The following THAP9 variants were observed in gnomAD, a reference collection of about 807,000 sequenced individuals.
THAP9 encodes DNA transposase THAP9.
A neutral mutation model predicts 35.7 loss-of-function variants in THAP9; 20 were observed. The ratio of observed to expected loss-of-function variants is 0.56; its 90% CI spans 0.39 to 0.81. The LOEUF (loss-of-function observed/expected upper bound fraction) is 0.81. Ranked by LOEUF, THAP9 falls within the 40% of genes least tolerant of loss-of-function variation. The probability of loss-of-function intolerance (pLI) is 0.00; values close to 1 mark genes in which losing one functional copy is unlikely to be tolerated. For missense variants in THAP9, 870 were observed against 1,047.4 expected (o/e 0.83, Z 2.34); for synonymous variants, 335 against 373.7 (o/e 0.90, Z 1.19).
At chr4:82,907,965 A>C (rs1458453616) in intron 4 of THAP9, 30 bp downstream of exon 4, 1 of 1,599,824 alleles carries the variant, frequency 6.3e-7, no homozygotes, top group South Asian at 1.1e-5. Context: ...ATTTTTTAAA[A>C]GTGACTTTCT....
chr4:82,918,557 AT>A lies in THAP9; in HGVS notation c.2347del (p.Ser783GlnfsTer8), dbSNP rs1323243628. 1 of 1,614,068 alleles carries A rather than the reference AT, an allele frequency of 6.2e-7. No individual in the cohort carries two copies. Among genetic ancestry groups the A allele is most frequent in the African/African-American group, 1.3e-5 (1 of 75,042 alleles). On this transcript the variant is annotated frameshift_variant, in exon 5 of 5. Coordinates refer to ENST00000302236, the MANE Select transcript of THAP9 (RefSeq NM_024672.6). LOFTEE classifies it high-confidence loss of function. ...ATTTGTGAGCGAGTTGTAAGAACCC[AT>A]TCAAGAATGGCAATTTTTGAACTAG... The part of the protein sequence containing the change: ...INICERVVRT[H>X]SRMAIFELVS...
chr4:82,906,459 A>T lies in THAP9; in HGVS notation c.412A>T (p.Lys138Ter). The T allele has an allele frequency of 6.2e-7, 1 of 1,613,856 alleles. No homozygotes were observed. The highest frequency in any genetic ancestry group is 8.5e-7 in the Non-Finnish European group (1 of 1,179,806). ...LKTPLTIGAE[K>*]LAEVQQMLQV... ...GACACCTTTGACGATAGGTGCAGAG[A>T]AACTGGCTGAGGTGCAACAAATGTT... The change falls in exon 3 of 5, where the codon AAA becomes TAA. Residue 138 changes from lysine to a stop codon, truncating the protein, a stop_gained. Coordinates refer to ENST00000302236, the MANE Select transcript of THAP9 (RefSeq NM_024672.6). LOFTEE classifies it high-confidence loss of function.
chr4:82,916,027 TA>T (rs1373139927), intron 4 of THAP9, among the ~76,000 whole-genome samples: 1 of 152,184 alleles, frequency 6.6e-6, no homozygotes, highest in Non-Finnish European at 1.5e-5. Flanking sequence ...GGAAGAACAT[TA>T]AACTCTCAAT....
In THAP9 at chr4:82,918,521, G is replaced by A. The variant is rs561058988; in HGVS notation, c.2309G>A (p.Arg770Gln). 1 of 1,614,046 alleles carries A rather than the reference G, an allele frequency of 6.2e-7. No individual in the cohort carries two copies. Among genetic ancestry groups the A allele is most frequent in the South Asian group, 1.1e-5 (1 of 91,072 alleles). ...CATTTTCCTTCAGAAAGTCTGTGTC[G>A]GGTCATAAATATTTGTGAGCGAGTT... The part of the protein sequence containing the change: ...GLHFPSESLC[R>Q]VINICERVVR... The change falls in exon 5 of 5, where the codon CGG (arginine) becomes CAG (glutamine). Residue 770 changes from arginine to glutamine, a missense_variant. By Grantham distance (43) the Arg-to-Gln change is conservative (BLOSUM62 1). Around this residue, in one of 3 missense-constraint regions of THAP9, gnomAD observed 414 missense variants for 500.8 expected, o/e 0.83. Coordinates refer to ENST00000302236, the MANE Select transcript of THAP9 (RefSeq NM_024672.6).
chr4:82,912,562 G>A (rs1481238751), intron 4 of THAP9, among the ~76,000 whole-genome samples: 2 of 152,182 alleles, frequency 1.3e-5, no homozygotes, highest in Non-Finnish European at 2.9e-5. Flanking sequence ...GTTGATGAGA[G>A]TATAAATGAA....
At position 82,918,327 on chromosome 4, in the gene THAP9, A is replaced by C. The variant is rs765710518; in HGVS notation, c.2115A>C (p.Leu705Phe). The stretch of plus-strand genomic sequence containing the variant: ...CTCATTGTTCACTAAGTGAGGCATT[A>C]CTAGACCTGTCAGATCATAGGCGAA... ...DWSHCSLSEA[L>F]LDLSDHRRNL... is the part of the protein sequence containing the mutation. The change falls in exon 5 of 5, where the codon TTA becomes TTC. Residue 705 changes from leucine to phenylalanine, a missense_variant. Around this residue, in one of 3 missense-constraint regions of THAP9, gnomAD observed 414 missense variants for 500.8 expected, o/e 0.83. Coordinates refer to ENST00000302236, the MANE Select transcript of THAP9 (RefSeq NM_024672.6). The C allele has an allele frequency of 6.2e-7, 1 of 1,614,200 alleles. No individual in the cohort carries two copies. Among genetic ancestry groups the C allele is most frequent in the Non-Finnish European group, 8.5e-7 (1 of 1,180,018 alleles).
chr4:82,914,000 G>A (rs1014949871), intron 4 of THAP9, among the ~76,000 whole-genome samples: 3 of 152,086 alleles, frequency 2.0e-5, no homozygotes, highest in Non-Finnish European at 4.4e-5. Flanking sequence ...GCCTCCCAAA[G>A]TGCTGGGATT....
At position 82,917,975 on chromosome 4, in the gene THAP9, A is replaced by C. The variant is rs1721100190; in HGVS notation, c.1763A>C (p.Tyr588Ser). ...AATGCTGAGAGCTTAAAATGGCTCT[A>C]CCAAAATTATGTTTTCCCAAAGGTC... ...LLNAESLKWL[Y>S]QNYVFPKVMP... Residue 588 changes from tyrosine to serine, a missense_variant, in exon 5 of 5, where the codon TAC (tyrosine) becomes TCC (serine). Physicochemically the swap from Tyr to Ser is moderately radical, Grantham distance 144. Transcript: ENST00000302236. 6.2e-7 allele frequency: 1 copy of C among 1,614,036 alleles called. No individual in the cohort carries two copies.
chr4:82,915,133 C>A (rs1436965229), intron 4 of THAP9, among the ~76,000 whole-genome samples: 1 of 152,062 alleles, frequency 6.6e-6, no homozygotes, highest in Non-Finnish European at 1.5e-5. Flanking sequence ...GCCTTATTTC[C>A]GGTTTGCCCT....
At chr4:82,911,301 T>TG (rs139678550) in intron 4 of THAP9, among the ~76,000 whole-genome samples, 66,452 of 151,764 alleles carry the variant, frequency 0.44, 17,082 homozygotes, top group Admixed American at 0.59. Context: ...TTTAAAAAGA[T>TG]GGGGTCTCGG....
At chr4:82,904,095 A>C (rs1210846057) in intron 1 of THAP9, among the ~76,000 whole-genome samples, 6 of 97,272 alleles carry the variant, frequency 6.2e-5, no homozygotes, top group East Asian at 2.8e-4. Flanking sequence ...ACGGAGTTTC[A>C]CTCTTGTTGC....
At chr4:82,916,166 C>A (rs1229672611) in intron 4 of THAP9, among the ~76,000 whole-genome samples, 1 of 152,212 alleles carries the variant, frequency 6.6e-6, no homozygotes, top group Non-Finnish European at 1.5e-5. Context: ...CCTAGTCTCT[C>A]CCTCAGAATC....
rs1413743643 is a variant in THAP9, at chr4:82,914,811, C to G, written c.732-2133C>G. 1.3e-5 allele frequency among the ~76,000 whole-genome samples: 2 copies of G among 152,050 alleles called. 1 individual carries two copies. The highest frequency in any genetic ancestry group is 4.2e-4 in the South Asian group (2 of 4,814). On this transcript the variant is annotated intron_variant, in intron 4 of 4. Coordinates refer to ENST00000302236, the MANE Select transcript of THAP9 (RefSeq NM_024672.6). ...CTTTTGCTGTGCAGAAGCTCTTTAC[C>G]TTAATTAGATCCCACCTGTCAATTT...
At chr4:82,905,097 A>G (rs554783443) in intron 2 of THAP9, among the ~76,000 whole-genome samples, 166 bp downstream of exon 2, 1 of 152,198 alleles carries the variant, frequency 6.6e-6, no homozygotes, top group African/African-American at 2.4e-5. Flanking sequence ...TATATATATT[A>G]GCATTTGTTC....
chr4:82,911,379 C>G (rs1196601208), intron 4 of THAP9, among the ~76,000 whole-genome samples: 2 of 151,780 alleles, frequency 1.3e-5, no homozygotes, highest in African/African-American at 4.8e-5. Context: ...ACCACGAGGT[C>G]AGGAGATTGA....
Position 82,906,192 on chromosome 4 carries a change from G to T in THAP9, c.277-132G>T, listed in dbSNP as rs548719482. 56 of 730,526 alleles carry T rather than the reference G, an allele frequency of 7.7e-5. 1 individual carries two copies. In the East Asian group the frequency reaches 1.5e-3, roughly 19 times the overall value. The allele number at this position is 730,526 out of a possible 1,614,324, so 45.3% of individuals were successfully genotyped here. The stretch of plus-strand genomic sequence containing the variant: ...TAAACTATACATTAAAACATTCAGA[G>T]ATTATGACCTTTTCTTTCCTAACTA... On this transcript the variant is annotated intron_variant, in intron 2 of 4. Coordinates refer to ENST00000302236, the MANE Select transcript of THAP9 (RefSeq NM_024672.6).
At chr4:82,910,212 A>G (rs1262154045) in intron 4 of THAP9, 2 of 151,960 alleles carry the variant, frequency 1.3e-5, no homozygotes, top group African/African-American at 2.4e-5. Flanking sequence ...AACATTATAT[A>G]TTTAGATTTA....
rs529855434 is a variant in THAP9 at position 82,918,542 on chromosome 4, G to A, written c.2330G>A (p.Arg777Gln). 3.7e-6 allele frequency: 6 copies of A among 1,614,102 alleles called. No individual in the cohort carries two copies. Among genetic ancestry groups the A allele is most frequent in the African/African-American group, 2.7e-5 (2 of 75,032 alleles). ...SLCRVINICE[R>Q]VVRTHSRMAI... ...TGTCGGGTCATAAATATTTGTGAGC[G>A]AGTTGTAAGAACCCATTCAAGAATG... The change falls in exon 5 of 5, where the codon CGA becomes CAA. Residue 777 changes from arginine (R) to glutamine (Q), a missense_variant. Transcript: ENST00000302236.
intron 2 of THAP9, among the ~76,000 whole-genome samples, 188 bp from the exon 3 acceptor site, chr4:82,906,136 C>CA (rs11444044): frequency 0.34 from 48,765 of 142,300 alleles, 9,136 homozygotes; most frequent in East Asian, 0.53. Flanking sequence ...CTGTGTAGTG[C>CA]AAAAAAAAAA....
Sources: gnomAD v4.1 joint callset for allele counts (sites outside exome capture counted in the v4.1 genomes callset) on GRCh38, gnomAD v4.1.1 for gene constraint, gnomAD v4.1.1 regional missense constraint, MANE v1.5 for transcripts, NCBI Gene and HGNC (gene_info 2026-07-23, HGNC 2026-07-21) for gene names.